Variants in LASP1 observed in about 807,000 individuals in gnomAD.
LASP1 encodes the protein LIM and SH3 protein 1, also known as LIM and SH3 domain protein 1.
LASP1 carries 10 observed loss-of-function variants against 38.6 expected under a neutral mutation model. The observed-to-expected ratio is 0.26, with a 90% CI of 0.16 to 0.44. The LOEUF is 0.44. Ranked by LOEUF, LASP1 falls within the 20% of genes least tolerant of loss-of-function variation. The pLI is 1.00. For synonymous variants in LASP1, 132 were observed against 140.8 expected (o/e 0.94, Z 0.44); for missense variants, 243 against 375.7 (o/e 0.65, Z 2.92).
At chr17:38,888,077 G>A (rs908380330) in intron 2 of LASP1, among the ~76,000 whole-genome samples, 3 of 152,112 alleles carry the variant, frequency 2.0e-5, no homozygotes, top group East Asian at 1.9e-4. Context: ...GACGGGCTCC[G>A]GCTTGGAGAA....
At chr17:38,878,050 G>T (rs761270994) in intron 1 of LASP1, 36 bp from the exon 2 acceptor site, 1 of 1,516,572 alleles carries the variant, frequency 6.6e-7, no homozygotes, top group Non-Finnish European at 9.2e-7. Flanking sequence ...CAGAAGTCCT[G>T]GTATCTGATG....
rs1446421336 is a variant in LASP1 at position 38,919,526 on chromosome 17, G to C, written c.*748G>C. 1 of 246,082 alleles carries C rather than the reference G, an allele frequency of 4.1e-6. No individual in the cohort carries two copies. The highest frequency in any genetic ancestry group is 8.0e-6 in the Non-Finnish European group (1 of 124,580). The allele number at this position is 246,082 out of a possible 1,614,324, so 15.2% of individuals were successfully genotyped here. ...TTAGGGACAGCTACCGGAAGGAGGG[G>C]AACAAGGAGTTCTCTTCCGCAGCCC... On this transcript the variant is annotated 3_prime_UTR_variant, in exon 7 of 7. Transcript: ENST00000318008.
chr17:38,917,634 C>T (rs191434320), intron 6 of LASP1, among the ~76,000 whole-genome samples: 2 of 152,176 alleles, frequency 1.3e-5, no homozygotes, highest in East Asian at 1.9e-4. Flanking sequence ...AAAGAAACTA[C>T]TGGTGCTTAT....
intron 2 of LASP1, among the ~76,000 whole-genome samples, chr17:38,889,448 A>G (rs928611247): frequency 2.0e-5 from 3 of 152,162 alleles, no homozygotes; most frequent in Non-Finnish European, 4.4e-5. Flanking sequence ...TGTTGTTACT[A>G]TAGATTGAGC....
intron 1 of LASP1, among the ~76,000 whole-genome samples, chr17:38,874,698 C>T (rs759174925): frequency 1.3e-5 from 2 of 152,186 alleles, no homozygotes; most frequent in African/African-American, 2.4e-5. Flanking sequence ...CTGCTCAGAG[C>T]CCCCTGCAGG....
chr17:38,870,091 G>A lies in LASP1; in HGVS notation c.-99G>A, dbSNP rs114238618. 214 of 1,311,612 alleles carry A rather than the reference G, an allele frequency of 1.6e-4. No individual in the cohort carries two copies. Among genetic ancestry groups the A allele is most frequent in the Non-Finnish European group, 2.0e-4 (187 of 923,924 alleles). 81.2% of individuals were successfully genotyped at this position (1,311,612 alleles called of 1,614,324 possible). ...CCCAGCTCCAGCCGCCGTCGCTGCT[G>A]CCTGTGTAGTTGCAGCCGCGGCCGC... On this transcript the variant is annotated 5_prime_UTR_variant, in exon 1 of 7. Coordinates refer to ENST00000318008, the MANE Select transcript of LASP1 (RefSeq NM_006148.4).
At chr17:38,874,805 G>C (rs1913714142) in intron 1 of LASP1, among the ~76,000 whole-genome samples, 1 of 152,132 alleles carries the variant, frequency 6.6e-6, no homozygotes, top group South Asian at 2.1e-4. Context: ...GATAGAAATA[G>C]GTGCCATCCC....
In LASP1 at chr17:38,895,475, G is replaced by A. The variant is rs117839099; in HGVS notation, c.250-2937G>A. On this transcript the variant is annotated intron_variant, in intron 3 of 6. Transcript: ENST00000318008. ...AGCTGGGATTACGCCCACCACGCCCGGCTAACTTTTTTTGTATTTTTTTTA... is the reference window on the plus strand; with the variant it reads ...AGCTGGGATTACGCCCACCACGCCCAGCTAACTTTTTTTGTATTTTTTTTA... 9.6e-3 allele frequency among the ~76,000 whole-genome samples: 1,456 copies of A among 151,866 alleles called. 5 individuals are homozygous for A. Among genetic ancestry groups the A allele is most frequent in the Non-Finnish European group, 0.016 (1,103 of 67,922 alleles).
chr17:38,899,080 A>AGAGT, intron 4 of LASP1: 1 of 325,788 alleles, frequency 3.1e-6, no homozygotes, highest in Admixed American at 4.0e-5. Context: ...GTGGGCATGG[A>AGAGT]GAGTGGGCAG....
At chr17:38,889,782 C>CT (rs1914251670) in intron 2 of LASP1, among the ~76,000 whole-genome samples, 1 of 152,120 alleles carries the variant, frequency 6.6e-6, no homozygotes, top group African/African-American at 2.4e-5. Flanking sequence ...GATACTCAAC[C>CT]TGTATTTTAC....
intron 1 of LASP1, among the ~76,000 whole-genome samples, chr17:38,872,462 C>T (rs1403831648): frequency 6.6e-6 from 1 of 152,130 alleles, no homozygotes; most frequent in Non-Finnish European, 1.5e-5. Context: ...AGAACTCTCC[C>T]TATAGGAAGT....
At chr17:38,870,326 A>T in intron 1 of LASP1, 68 bp downstream of exon 1, 2 of 1,563,772 alleles carry the variant, frequency 1.3e-6, no homozygotes, top group Non-Finnish European at 1.8e-6. Flanking sequence ...GGAGGAGAGA[A>T]GGGCCGGGTC....
At chr17:38,872,417 AG>A (rs1913637080) in intron 1 of LASP1, among the ~76,000 whole-genome samples, 1 of 152,174 alleles carries the variant, frequency 6.6e-6, no homozygotes, top group Admixed American at 6.5e-5. Flanking sequence ...GGGGTTGCCC[AG>A]GGAAGTGGGA....
chr17:38,911,016 C>T (rs1914924478), intron 4 of LASP1, among the ~76,000 whole-genome samples: 1 of 152,186 alleles, frequency 6.6e-6, no homozygotes, highest in Non-Finnish European at 1.5e-5. Context: ...AGTCACCGCG[C>T]CCGGCCAGGA....
rs1050836075 is a variant in LASP1 at position 38,915,093 on chromosome 17, A to C, written c.559A>C (p.Lys187Gln). ...GGTGGCCCAGTCCTATGGTGGCTACAAGGAGCCTGCAGCCCCAGTCTCCAT... is the reference window on the plus strand; with the variant it reads ...GGTGGCCCAGTCCTATGGTGGCTACCAGGAGCCTGCAGCCCCAGTCTCCAT... ...QPVAQSYGGY[K>Q]EPAAPVSIQR... is the part of the protein sequence containing the mutation. The change falls in exon 6 of 7, where the codon AAG (lysine) becomes CAG (glutamine). Residue 187 changes from lysine (K) to glutamine (Q), a missense_variant. Physicochemically the swap from Lys to Gln is moderately conservative, Grantham distance 53. This residue lies in a region of LASP1 where 165 missense variants were observed against 210.3 expected (regional missense o/e 0.78). Coordinates refer to ENST00000318008, the MANE Select transcript of LASP1 (RefSeq NM_006148.4). 1.2e-6 allele frequency: 2 copies of C among 1,613,832 alleles called. No homozygotes were observed. Among genetic ancestry groups the C allele is most frequent in the African/African-American group, 2.7e-5 (2 of 74,888 alleles).
intron 2 of LASP1, among the ~76,000 whole-genome samples, chr17:38,883,892 CTTAGGCCTGAGGGGATGGACGGG>C (rs1202367777): frequency 6.6e-6 from 1 of 151,896 alleles, no homozygotes; most frequent in African/African-American, 2.4e-5. Flanking sequence ...ACTTCAGCCC[CTTAGGCCTGAGGGGATGGACGGG>C]TGAGAAACTG....
chr17:38,882,253 TTTTG>T (rs1463120009), intron 2 of LASP1, among the ~76,000 whole-genome samples: 1 of 152,062 alleles, frequency 6.6e-6, no homozygotes, highest in Non-Finnish European at 1.5e-5. Flanking sequence ...ATAGAATTCT[TTTTG>T]TTTGTTTTTT....
chr17:38,913,074 A>C (rs1217899547), intron 4 of LASP1, among the ~76,000 whole-genome samples: 1 of 151,820 alleles, frequency 6.6e-6, no homozygotes, highest in Non-Finnish European at 1.5e-5. Context: ...TGCCCTCCTG[A>C]CCTTGATGGC....
In LASP1 at chr17:38,890,402, G is replaced by A. The variant is rs751562689; in HGVS notation, c.165-18G>A. On this transcript the variant is annotated intron_variant, in intron 2 of 6. Transcript: ENST00000318008. ...CCTCCCCCAGAGTCACCCCCACTCTGTTTTTTCTGTCCTGCAGACACTACC... is the reference window on the plus strand; with the variant it reads ...CCTCCCCCAGAGTCACCCCCACTCTATTTTTTCTGTCCTGCAGACACTACC... The A allele has an allele frequency of 6.2e-7, 1 of 1,613,210 alleles. No individual in the cohort carries two copies. Among genetic ancestry groups the A allele is most frequent in the South Asian group, 1.1e-5 (1 of 91,058 alleles).
Sources: gnomAD v4.1 joint callset for allele counts (sites outside exome capture counted in the v4.1 genomes callset) on GRCh38, gnomAD v4.1.1 for gene constraint, gnomAD v4.1.1 regional missense constraint, MANE v1.5 for transcripts, NCBI Gene and HGNC (gene_info 2026-07-23, HGNC 2026-07-21) for gene names.